Variants in RBFOX1 observed in about 807,000 individuals in gnomAD.
The protein encoded by RBFOX1 is RNA binding fox-1 homolog 1.
In RBFOX1, 8 loss-of-function variants were observed where a neutral mutation model predicts 57.7. That is an observed-to-expected ratio of 0.14 (90% CI 0.08 to 0.25). The LOEUF is 0.25. Ranked by LOEUF, RBFOX1 falls within the 10% of genes least tolerant of loss-of-function variation. RBFOX1 has a pLI of 1.00. For missense variants in RBFOX1, 611 were observed against 548.5 expected, an observed-to-expected ratio of 1.11 and a Z score of -1.14; for synonymous variants, 326 against 222.4, an observed-to-expected ratio of 1.47 and a Z score of -4.15.
Position 5,403,569 on chromosome 16 carries a change from C to T in RBFOX1, c.220-63647C>T, listed in dbSNP as rs569363183. Among the ~76,000 whole-genome samples the T allele has an allele frequency of 7.9e-5, 12 of 152,140 alleles. No individual in the cohort carries two copies. The South Asian group carries it at 1.9e-3, about 24-fold the overall frequency. On this transcript the variant is annotated intron_variant, in intron 1 of 2. Coordinates refer to the RBFOX1 transcript ENST00000585867. ...AAGGAATTCTCCTGCCTCAGTCTCT[C>T]GAGTAGCTGGGATTACAGGTGCATG...
chr16:7,702,350 C>G (rs544074258), intron 14 of RBFOX1, among the ~76,000 whole-genome samples: 2 of 152,124 alleles, frequency 1.3e-5, no homozygotes, highest in East Asian at 1.9e-4. Context: ...CATTCTGACC[C>G]CACAGAATCC....
At chr16:5,339,666 A>T (rs1758101058) in intron 1 of RBFOX1, among the ~76,000 whole-genome samples, 2 of 151,310 alleles carry the variant, frequency 1.3e-5, no homozygotes, top group Admixed American at 1.3e-4. Flanking sequence ...TTTAGTAGAG[A>T]TGGAGTTTCA....
chr16:7,105,727 G>A (rs1237071568), intron 4 of RBFOX1, among the ~76,000 whole-genome samples: 1 of 151,706 alleles, frequency 6.6e-6, no homozygotes, highest in Non-Finnish European at 1.5e-5. Flanking sequence ...GAGATATATA[G>A]GTAGATATAT....
At chr16:6,987,957 C>G (rs141115976) in intron 3 of RBFOX1, among the ~76,000 whole-genome samples, 3 of 151,898 alleles carry the variant, frequency 2.0e-5, no homozygotes, top group Non-Finnish European at 1.5e-5. Flanking sequence ...TTACTAAGTG[C>G]CAGCTAGGCA....
intron 3 of RBFOX1, among the ~76,000 whole-genome samples, chr16:7,021,645 T>C (rs1767264582): frequency 6.8e-6 from 1 of 148,006 alleles, no homozygotes; most frequent in Admixed American, 6.7e-5. Flanking sequence ...AAAAATTTTA[T>C]TAAAATTTTT....
At chr16:6,338,257 T>G (rs927148390) in intron 2 of RBFOX1, among the ~76,000 whole-genome samples, 5 of 152,192 alleles carry the variant, frequency 3.3e-5, no homozygotes, top group African/African-American at 1.2e-4. Flanking sequence ...TGTATTCCTT[T>G]TGATCCATAA....
chr16:7,437,781 T>C (rs1395130217), intron 4 of RBFOX1, among the ~76,000 whole-genome samples: 1 of 151,978 alleles, frequency 6.6e-6, no homozygotes, highest in African/African-American at 2.4e-5. Context: ...GATAATCTTG[T>C]GGAAGGCAAA....
At chr16:6,711,983 T>C (rs1198316585) in intron 3 of RBFOX1, among the ~76,000 whole-genome samples, 2 of 152,204 alleles carry the variant, frequency 1.3e-5, no homozygotes, top group South Asian at 2.1e-4. Context: ...TTGTATAGTA[T>C]ACGTTTTAGT....
chr16:7,645,140 C>T (rs562146924), intron 11 of RBFOX1, among the ~76,000 whole-genome samples: 6 of 152,230 alleles, frequency 3.9e-5, no homozygotes, highest in Admixed American at 3.3e-4. Flanking sequence ...AGTTCACATT[C>T]TTGCCAATTC....
chr16:7,514,481 G>A (rs968698958), intron 4 of RBFOX1, among the ~76,000 whole-genome samples: 1 of 152,156 alleles, frequency 6.6e-6, no homozygotes, highest in South Asian at 2.1e-4. Flanking sequence ...TTTTCAGGGA[G>A]CTCACAGACA....
chr16:6,806,412 T>G (rs536683635), intron 3 of RBFOX1, among the ~76,000 whole-genome samples: 1 of 152,152 alleles, frequency 6.6e-6, no homozygotes, highest in African/African-American at 2.4e-5. Context: ...CTGTAATACA[T>G]TTGCATCTTT....
intron 4 of RBFOX1, among the ~76,000 whole-genome samples, chr16:7,419,173 G>C (rs1280934331): frequency 1.3e-5 from 2 of 152,160 alleles, no homozygotes. Context: ...CTCCCAAAGT[G>C]CTGGGATTAC....
chr16:6,231,590 C>T (rs2097460622), intron 1 of RBFOX1, among the ~76,000 whole-genome samples: 1 of 152,182 alleles, frequency 6.6e-6, no homozygotes, highest in South Asian at 2.1e-4. Flanking sequence ...GTTGCCTAGG[C>T]TACAGTGATT....
At chr16:6,653,215 C>A (rs1046555283) in intron 2 of RBFOX1, among the ~76,000 whole-genome samples, 1 of 152,164 alleles carries the variant, frequency 6.6e-6, no homozygotes, top group Non-Finnish European at 1.5e-5. Context: ...TCGTATTCCC[C>A]TACCCTCAGC....
chr16:7,457,700 C>G lies in RBFOX1; in HGVS notation c.28-60447C>G, dbSNP rs200579543. Among the ~76,000 whole-genome samples, 12 of 152,218 alleles carry G rather than the reference C, an allele frequency of 7.9e-5. No individual in the cohort carries two copies. In the East Asian group the frequency reaches 2.1e-3, roughly 27 times the overall value. ...CCTCTGTTGCCCTCATATTTTCAGCCTAAGAGGGCCCTCCCCATTCCTCCC... is the reference window on the plus strand; with the variant it reads ...CCTCTGTTGCCCTCATATTTTCAGCGTAAGAGGGCCCTCCCCATTCCTCCC... On this transcript the variant is annotated intron_variant, in intron 4 of 15. Coordinates refer to ENST00000550418, the MANE Select transcript of RBFOX1 (RefSeq NM_018723.4).
Position 6,978,620 on chromosome 16 carries a change from C to T in RBFOX1, c.-15-73437C>T, listed in dbSNP as rs534913781. ...AGGTTGGGTGCCTTCCACATATTTT[C>T]TCTTGTAATCGTTTTAATGTCCTCA... is the stretch of plus-strand genomic sequence containing the variant. On this transcript the variant is annotated intron_variant, in intron 3 of 15. Transcript: ENST00000550418. Among the ~76,000 whole-genome samples the T allele has an allele frequency of 3.3e-5, 5 of 152,240 alleles. No homozygotes were observed. The East Asian group carries it at 9.7e-4, about 29-fold the overall frequency.
chr16:6,817,406 A>G (rs558399715), intron 3 of RBFOX1, among the ~76,000 whole-genome samples: 1 of 152,098 alleles, frequency 6.6e-6, no homozygotes, highest in South Asian at 2.1e-4. Context: ...TTTAAAATTA[A>G]CTTTTAGCTG....
chr16:5,386,768 G>A (rs2066270303), intron 1 of RBFOX1, among the ~76,000 whole-genome samples: 1 of 152,114 alleles, frequency 6.6e-6, no homozygotes, highest in South Asian at 2.1e-4. Flanking sequence ...AACGTACTTT[G>A]GGCCAGGCGT....
chr16:5,364,195 G>A (rs897062792), intron 1 of RBFOX1, among the ~76,000 whole-genome samples: 1 of 152,196 alleles, frequency 6.6e-6, no homozygotes, highest in Non-Finnish European at 1.5e-5. Context: ...TCACATTTAG[G>A]AACAACTTCT....
Sources: gnomAD v4.1 joint callset for allele counts (sites outside exome capture counted in the v4.1 genomes callset) on GRCh38, gnomAD v4.1.1 for gene constraint, MANE v1.5 for transcripts, NCBI Gene and HGNC (gene_info 2026-07-23, HGNC 2026-07-21) for gene names.